Variants in GRK3 observed in about 807,000 individuals in gnomAD.
The protein encoded by GRK3 is adrenergic, beta, receptor kinase 2.
Under a neutral mutation model 95.7 loss-of-function variants are expected in GRK3, and 54 were observed. The observed-to-expected ratio is 0.56, with a 90% CI of 0.45 to 0.71. The LOEUF is 0.71. Ranked by LOEUF, GRK3 falls within the 30% of genes least tolerant of loss-of-function variation. GRK3 has a pLI of 0.00. For synonymous variants in GRK3, 281 were observed against 290.8 expected (o/e 0.97, Z 0.34); for missense variants, 649 against 851.2 (o/e 0.76, Z 2.96).
chr22:25,578,700 C>T (rs950202108), intron 1 of GRK3, among the ~76,000 whole-genome samples: 1 of 151,942 alleles, frequency 6.6e-6, no homozygotes, highest in Non-Finnish European at 1.5e-5. Flanking sequence ...GGGCCATGGA[C>T]CGAGGAATGT....
chr22:25,721,177 C>T (rs1177468226), intron 19 of GRK3, 107 bp from the exon 20 acceptor site: 1 of 549,062 alleles, frequency 1.8e-6, no homozygotes. Flanking sequence ...AGAAAGAAAA[C>T]CGAATGTGTT....
Position 25,687,654 on chromosome 22 carries a change from A to G in GRK3, c.944A>G (p.Tyr315Cys), listed in dbSNP as rs775415689. The G allele has an allele frequency of 6.2e-7, 1 of 1,614,172 alleles. No individual in the cohort carries two copies. The highest frequency in any genetic ancestry group is 1.1e-5 in the South Asian group (1 of 91,074). ...LEHMHNRFVV[Y>C]RDLKPANILL... The stretch of plus-strand genomic sequence containing the variant: ...CACATGCACAATCGGTTTGTTGTCT[A>G]CAGAGATTTGAAGGTGAGGACGATT... The change falls in exon 11 of 21, where the codon TAC becomes TGC. Residue 315 changes from tyrosine to cysteine, a missense_variant. Physicochemically the swap from Tyr to Cys is radical, Grantham distance 194. Coordinates refer to ENST00000324198, the MANE Select transcript of GRK3 (RefSeq NM_005160.4).
intron 12 of GRK3, among the ~76,000 whole-genome samples, chr22:25,694,601 C>A (rs972699691): frequency 1.3e-5 from 2 of 152,192 alleles, no homozygotes; most frequent in African/African-American, 4.8e-5. Context: ...TTCCCATCCC[C>A]CTGGGGTCTG....
Position 25,584,233 on chromosome 22 carries a change from A to G in GRK3, c.113+19080A>G, listed in dbSNP as rs544973468. On this transcript the variant is annotated intron_variant, in intron 1 of 20. Transcript: ENST00000324198. ...CAGCAGTTTCAGTTGTCTGGAGTCA[A>G]TTGAGGCCTGAAAATGTTACATGGA... 3.9e-5 allele frequency among the ~76,000 whole-genome samples: 6 copies of G among 152,354 alleles called. No homozygotes were observed. In the East Asian group the frequency reaches 7.7e-4, roughly 20 times the overall value.
At chr22:25,689,076 ATT>A (rs113928579) in intron 11 of GRK3, among the ~76,000 whole-genome samples, 5 of 143,612 alleles carry the variant, frequency 3.5e-5, no homozygotes, top group South Asian at 2.2e-4. Context: ...ATTTCCAAGA[ATT>A]TTTTTTTTTT....
chr22:25,721,440 A>T (rs1568943276), intron 20 of GRK3, 43 bp downstream of exon 20: 1 of 1,152,822 alleles, frequency 8.7e-7, no homozygotes, highest in Non-Finnish European at 1.3e-6. Context: ...GAATAATTAA[A>T]TATTCAGCAA....
chr22:25,598,352 G>C (rs1569158661), intron 1 of GRK3, among the ~76,000 whole-genome samples: 1 of 151,958 alleles, frequency 6.6e-6, no homozygotes, highest in Non-Finnish European at 1.5e-5. Context: ...ACAAAATACA[G>C]ACAAAAGCAG....
intron 8 of GRK3, 41 bp from the exon 9 acceptor site, chr22:25,678,775 A>G (rs758057650): frequency 6.5e-6 from 8 of 1,226,562 alleles, no homozygotes; most frequent in African/African-American, 1.5e-5. Context: ...TAGTCTAGAT[A>G]TATTTACGGC....
intron 1 of GRK3, among the ~76,000 whole-genome samples, chr22:25,594,239 G>C (rs1208985809): frequency 6.6e-6 from 1 of 152,154 alleles, no homozygotes; most frequent in East Asian, 1.9e-4. Flanking sequence ...TATGAGCATG[G>C]AACGTTCTTC....
chr22:25,624,919 CTTT>C (rs552338056), intron 2 of GRK3, among the ~76,000 whole-genome samples: 5 of 142,182 alleles, frequency 3.5e-5, no homozygotes, highest in Admixed American at 7.0e-5. Flanking sequence ...TGATGAATCT[CTTT>C]TTTTTTTTTT....
At chr22:25,639,773 A>G (rs2084729527) in intron 2 of GRK3, among the ~76,000 whole-genome samples, 1 of 152,202 alleles carries the variant, frequency 6.6e-6, no homozygotes, top group Admixed American at 6.5e-5. Flanking sequence ...ACATCTAAGC[A>G]ATACTAAATC....
chr22:25,688,030 A>T (rs1318784780), intron 11 of GRK3, among the ~76,000 whole-genome samples: 2 of 152,134 alleles, frequency 1.3e-5, no homozygotes, highest in Non-Finnish European at 2.9e-5. Context: ...AGGTCAGGAG[A>T]TCAAGGCCAT....
chr22:25,652,797 G>T (rs2084842854), intron 3 of GRK3, among the ~76,000 whole-genome samples: 1 of 152,132 alleles, frequency 6.6e-6, no homozygotes, highest in Admixed American at 6.5e-5. Context: ...TCAGTAAAAG[G>T]TACGTATATT....
intron 1 of GRK3, among the ~76,000 whole-genome samples, chr22:25,576,240 A>G (rs2331117): frequency 0.02 from 3,015 of 149,918 alleles, 59 homozygotes; most frequent in African/African-American, 0.044. Context: ...TGGTATAGCG[A>G]GCACAGACCC....
chr22:25,695,354 G>A (rs2085199029), intron 13 of GRK3, 140 bp downstream of exon 13: 1 of 591,768 alleles, frequency 1.7e-6, no homozygotes, highest in East Asian at 2.9e-5. Flanking sequence ...TAATCTGGAA[G>A]ACTCTGTCTT....
At position 25,704,091 on chromosome 22, in the gene GRK3, T is replaced by C; in HGVS notation, c.1228-18T>C. 6.3e-7 allele frequency: 1 copy of C among 1,592,914 alleles called. No individual in the cohort carries two copies. Among genetic ancestry groups the C allele is most frequent in the Non-Finnish European group, 8.6e-7 (1 of 1,162,532 alleles). On this transcript the variant is annotated intron_variant, in intron 14 of 20. Transcript: ENST00000324198. ...TTTCATGAACGGATTTTTGAAATCT[T>C]ACTCGTCTTTTCCCCAGAATGTGGA...
chr22:25,567,752 C>A lies in GRK3; in HGVS notation c.113+2599C>A, dbSNP rs1459050465. On this transcript the variant is annotated intron_variant, in intron 1 of 20. Transcript: ENST00000324198. ...TTTTTTATTTCCAGCAAATTATTTG[C>A]AGTCACTATTCTTTGTGCTTCCTTA... is the stretch of plus-strand genomic sequence containing the variant. 5.3e-5 allele frequency among the ~76,000 whole-genome samples: 8 copies of A among 152,296 alleles called. No individual in the cohort carries two copies. In the South Asian group the frequency reaches 1.4e-3, roughly 28 times the overall value.
In GRK3 at chr22:25,729,029, C is replaced by G. The variant is rs1019546633; in HGVS notation, c.*6579C>G. 2.0e-5 allele frequency: 3 copies of G among 152,094 alleles called. No individual in the cohort carries two copies. Among genetic ancestry groups the G allele is most frequent in the Non-Finnish European group, 4.4e-5 (3 of 68,014 alleles). The allele number at this position is 152,094 out of a possible 1,614,324, so 9.4% of individuals were successfully genotyped here. On this transcript the variant is annotated 3_prime_UTR_variant, in exon 21 of 21. Coordinates refer to ENST00000324198, the MANE Select transcript of GRK3 (RefSeq NM_005160.4). The stretch of plus-strand genomic sequence containing the variant: ...GATACTGTAAATCTAGATATTGTAC[C>G]TAGACAAAATATCATTGGTTCTATC...
In GRK3 at chr22:25,726,288, GT is replaced by G. The variant is rs1472206346; in HGVS notation, c.*3841del. On this transcript the variant is annotated 3_prime_UTR_variant, in exon 21 of 21. Coordinates refer to ENST00000324198, the MANE Select transcript of GRK3 (RefSeq NM_005160.4). Reference sequence around the variant, plus strand: ...TTTCAGTGGAATTGATTTTTCTAATGTTTCAGAATTTTAACATATCAAGAAG... The same window carrying G: ...TTTCAGTGGAATTGATTTTTCTAATGTTCAGAATTTTAACATATCAAGAAG... 1 of 152,156 alleles carries G rather than the reference GT, an allele frequency of 6.6e-6. No homozygotes were observed. Among genetic ancestry groups the G allele is most frequent in the African/African-American group, 2.4e-5 (1 of 41,436 alleles). The allele number at this position is 152,156 out of a possible 1,614,324, so 9.4% of individuals were successfully genotyped here.
Sources: gnomAD v4.1 joint callset for allele counts (sites outside exome capture counted in the v4.1 genomes callset) on GRCh38, gnomAD v4.1.1 for gene constraint, MANE v1.5 for transcripts, NCBI Gene and HGNC (gene_info 2026-07-23, HGNC 2026-07-21) for gene names.